PRLR: variants seen among roughly 807,000 people sequenced by gnomAD.
PRLR encodes the protein hPRL receptor.
A neutral mutation model predicts 40.2 loss-of-function variants in PRLR; 13 were observed. The ratio of observed to expected loss-of-function variants is 0.32; its 90% CI spans 0.21 to 0.51. The LOEUF is 0.51. Ranked by LOEUF, PRLR falls within the 20% of genes least tolerant of loss-of-function variation. The probability of loss-of-function intolerance (pLI) is 0.97; values close to 1 mark genes in which losing one functional copy is unlikely to be tolerated. For missense variants in PRLR, 656 were observed against 747.3 expected (o/e 0.88, Z 1.42); for synonymous variants, 269 against 278.7 (o/e 0.97, Z 0.35).
intron 5 of PRLR, among the ~76,000 whole-genome samples, chr5:35,078,738 T>G (rs1033607278): frequency 2.0e-5 from 3 of 152,186 alleles, no homozygotes; most frequent in African/African-American, 4.8e-5. Context: ...TACCAAAGCC[T>G]GGCAGAGACA....
chr5:35,160,550 A>C (rs891560117), intron 1 of PRLR, among the ~76,000 whole-genome samples: 1 of 152,248 alleles, frequency 6.6e-6, no homozygotes, highest in African/African-American at 2.4e-5. Flanking sequence ...AGAGAGCCCC[A>C]GTCTATGGGG....
chr5:35,121,645 C>A (rs1359533728), intron 1 of PRLR, among the ~76,000 whole-genome samples: 3 of 152,216 alleles, frequency 2.0e-5, no homozygotes, highest in Non-Finnish European at 2.9e-5. Flanking sequence ...TGCCAGCTAT[C>A]ATGCTAAGAA....
chr5:35,197,988 C>T (rs995931087), intron 1 of PRLR, among the ~76,000 whole-genome samples: 1 of 152,232 alleles, frequency 6.6e-6, no homozygotes, highest in African/African-American at 2.4e-5. Context: ...CAGGGCAGTC[C>T]TGGAGTATTG....
intron 1 of PRLR, among the ~76,000 whole-genome samples, chr5:35,173,510 C>A (rs1369277934): frequency 6.6e-6 from 1 of 152,186 alleles, no homozygotes; most frequent in Non-Finnish European, 1.5e-5. Flanking sequence ...TTTAGCAGCT[C>A]AAGGGGCAAG....
At chr5:35,147,036 GA>G (rs1774202304) in intron 1 of PRLR, among the ~76,000 whole-genome samples, 1 of 152,112 alleles carries the variant, frequency 6.6e-6, no homozygotes, top group South Asian at 2.1e-4. Flanking sequence ...AGGAGAGTAG[GA>G]TGCTGAACTG....
At chr5:35,214,677 T>C (rs1776244320) in intron 1 of PRLR, among the ~76,000 whole-genome samples, 3 of 152,210 alleles carry the variant, frequency 2.0e-5, no homozygotes, top group Admixed American at 1.3e-4. Flanking sequence ...TATTCAGAGA[T>C]GTGTAACAGT....
rs554208048 is a variant in PRLR, at chr5:35,154,832, C to T, written c.-105-36710G>A. On this transcript the variant is annotated intron_variant, in intron 1 of 9. Transcript: ENST00000618457. ...CCATAAAAAAACGAGATCATGTCTT[C>T]TTCAGGGACATGGATGGAGCTGAAA... Among the ~76,000 whole-genome samples the T allele has an allele frequency of 3.9e-5, 6 of 152,264 alleles. No individual in the cohort carries two copies. In the South Asian group the frequency reaches 1.0e-3, roughly 26 times the overall value.
chr5:35,228,432 C>A (rs1005485750), intron 1 of PRLR, among the ~76,000 whole-genome samples: 4 of 152,222 alleles, frequency 2.6e-5, no homozygotes, highest in African/African-American at 9.6e-5. Flanking sequence ...AGATGTGAGT[C>A]CTTAGTCCTC....
At chr5:35,083,699 T>C (rs563025649) in intron 5 of PRLR, among the ~76,000 whole-genome samples, 17 of 151,904 alleles carry the variant, frequency 1.1e-4, no homozygotes, top group Non-Finnish European at 1.8e-4. Context: ...TTTGTATTTT[T>C]AGTAGAGATG....
chr5:35,133,321 T>C lies in PRLR; in HGVS notation c.-105-15199A>G, dbSNP rs545082106. On this transcript the variant is annotated intron_variant, in intron 1 of 9. Coordinates refer to ENST00000618457, the MANE Select transcript of PRLR (RefSeq NM_000949.7). ...TTTCCATAATAAATCTCCTCTCATG[T>C]ATACCTATATATATCCCATTGGTTC... Among the ~76,000 whole-genome samples, 17 of 152,244 alleles carry C rather than the reference T, an allele frequency of 1.1e-4. No homozygotes were observed. The South Asian group carries it at 3.3e-3, about 30-fold the overall frequency.
intron 2 of PRLR, among the ~76,000 whole-genome samples, chr5:35,110,879 C>G (rs1772617038): frequency 1.3e-5 from 2 of 152,222 alleles, no homozygotes; most frequent in African/African-American, 4.8e-5. Flanking sequence ...TACCCTCTTT[C>G]AGGCATGGAC....
downstream of PRLR, among the ~76,000 whole-genome samples, chr5:35,053,545 C>A (rs527896888): frequency 6.6e-6 from 1 of 152,002 alleles, no homozygotes; most frequent in Non-Finnish European, 1.5e-5. Context: ...CCTAGCTACT[C>A]GGGAGGCTGA....
At chr5:35,189,904 G>A (rs1006846872) in intron 1 of PRLR, among the ~76,000 whole-genome samples, 6 of 152,258 alleles carry the variant, frequency 3.9e-5, no homozygotes, top group African/African-American at 1.2e-4. Flanking sequence ...GTCTAAAGCC[G>A]CACAGCTTTG....
chr5:35,192,051 C>G (rs777437914), intron 1 of PRLR, among the ~76,000 whole-genome samples: 30 of 152,152 alleles, frequency 2.0e-4, no homozygotes, highest in Non-Finnish European at 3.4e-4. Context: ...TCCAAGTGTC[C>G]CTCAGGACCA....
intron 1 of PRLR, among the ~76,000 whole-genome samples, chr5:35,122,002 A>G (rs1773308615): frequency 6.6e-6 from 1 of 152,220 alleles, no homozygotes; most frequent in East Asian, 1.9e-4. Context: ...TGGGTGGAAT[A>G]AAGTGGGAGT....
intron 1 of PRLR, among the ~76,000 whole-genome samples, chr5:35,147,539 T>C (rs1442349437): frequency 6.6e-6 from 1 of 152,162 alleles, no homozygotes; most frequent in African/African-American, 2.4e-5. Flanking sequence ...CAAAGGGTAA[T>C]GGGACTCATG....
At chr5:35,168,449 G>T (rs1774905964) in intron 1 of PRLR, among the ~76,000 whole-genome samples, 1 of 151,882 alleles carries the variant, frequency 6.6e-6, no homozygotes, top group African/African-American at 2.4e-5. Flanking sequence ...GCCATATCCT[G>T]AATCATAACA....
intron 1 of PRLR, among the ~76,000 whole-genome samples, chr5:35,202,541 G>A (rs995308616): frequency 6.6e-6 from 1 of 152,060 alleles, no homozygotes; most frequent in Non-Finnish European, 1.5e-5. Flanking sequence ...TCCCCCTTCT[G>A]GCCATGGCTG....
chr5:35,221,942 G>C (rs1379813482), intron 1 of PRLR, among the ~76,000 whole-genome samples: 1 of 152,114 alleles, frequency 6.6e-6, no homozygotes, highest in African/African-American at 2.4e-5. Context: ...AAGAACTTCC[G>C]TCCCCACCCC....
Sources: allele counts gnomAD v4.1 joint callset (sites outside exome capture counted in the v4.1 genomes callset), GRCh38; gene constraint gnomAD v4.1.1; transcripts MANE v1.5; gene names NCBI Gene and HGNC (gene_info 2026-07-23, HGNC 2026-07-21).